GPR158: variants seen among roughly 807,000 people sequenced by gnomAD.
GPR158 encodes the protein metabotropic glycine receptor.
A neutral mutation model predicts 78.2 loss-of-function variants in GPR158; 30 were observed. The observed-to-expected ratio is 0.38, with a 90% CI of 0.29 to 0.52. The LOEUF (loss-of-function observed/expected upper bound fraction) is 0.52, where lower values mean the gene tolerates loss of function less well. Among genes scored for constraint, GPR158 ranks in the 20% least tolerant of loss-of-function variants. GPR158 has a pLI of 0.83. For synonymous variants in GPR158, 581 were observed against 591.1 expected, an observed-to-expected ratio of 0.98 and a Z score of 0.25; for missense variants, 1,463 against 1,523.5, an observed-to-expected ratio of 0.96 and a Z score of 0.66.
intron 4 of GPR158, among the ~76,000 whole-genome samples, chr10:25,462,333 T>A (rs1835367419): frequency 6.6e-6 from 1 of 152,194 alleles, no homozygotes; most frequent in Admixed American, 6.5e-5. Flanking sequence ...TTTCAAAATA[T>A]TACTGCTCAT....
At chr10:25,193,988 A>G (rs1030747956) in intron 1 of GPR158, among the ~76,000 whole-genome samples, 7 of 152,200 alleles carry the variant, frequency 4.6e-5, no homozygotes, top group African/African-American at 1.7e-4. Flanking sequence ...TTTTCAAGAC[A>G]CACATAGCAG....
chr10:25,411,933 CAAAAAAAAAAAAAAAA>C (rs1164005677), intron 3 of GPR158, among the ~76,000 whole-genome samples: 50 of 47,488 alleles, frequency 1.1e-3, no homozygotes, highest in Admixed American at 1.9e-3. Flanking sequence ...GACTCTATCA[CAAAAAAAAAAAAAAAA>C]AAAAAAAAAA....
intron 5 of GPR158, among the ~76,000 whole-genome samples, chr10:25,468,013 G>A (rs570173989): frequency 1.5e-4 from 23 of 152,142 alleles, no homozygotes; most frequent in Non-Finnish European, 2.6e-4. Flanking sequence ...GCATTGCTCC[G>A]TACCACCATC....
At chr10:25,307,497 C>T (rs1336328468) in intron 2 of GPR158, among the ~76,000 whole-genome samples, 1 of 151,650 alleles carries the variant, frequency 6.6e-6, no homozygotes, top group Non-Finnish European at 1.5e-5. Flanking sequence ...GATCCTCCTG[C>T]CTCAGTCTCC....
intron 5 of GPR158, among the ~76,000 whole-genome samples, chr10:25,532,752 A>AAAC (rs1229756172): frequency 1.3e-5 from 2 of 151,798 alleles, no homozygotes; most frequent in East Asian, 3.9e-4. Context: ...AAAAAAAAAA[A>AAAC]ATACCAAAGC....
chr10:25,389,917 TTGGAGGGACC>T (rs1439463308), intron 2 of GPR158, among the ~76,000 whole-genome samples: 1 of 152,190 alleles, frequency 6.6e-6, no homozygotes, highest in Non-Finnish European at 1.5e-5. Flanking sequence ...CCATGTGTTG[TTGGAGGGACC>T]TGGTGGGAGG....
intron 2 of GPR158, among the ~76,000 whole-genome samples, chr10:25,354,376 T>G (rs1344553289): frequency 2.0e-5 from 3 of 150,890 alleles, no homozygotes; most frequent in African/African-American, 7.3e-5. Context: ...AAAAAGTTAT[T>G]AAGGAGAGGA....
chr10:25,514,212 A>G (rs528010978), intron 5 of GPR158, among the ~76,000 whole-genome samples: 1 of 152,190 alleles, frequency 6.6e-6, no homozygotes, highest in East Asian at 1.9e-4. Flanking sequence ...CATATTTAAG[A>G]TTGTGATATT....
At chr10:25,382,414 T>C (rs1429742390) in intron 2 of GPR158, among the ~76,000 whole-genome samples, 1 of 108,880 alleles carries the variant, frequency 9.2e-6, no homozygotes, top group African/African-American at 2.9e-5. Flanking sequence ...CAAAAATTAA[T>C]AATAGAAAAG....
intron 6 of GPR158, among the ~76,000 whole-genome samples, chr10:25,558,990 T>C (rs529745340): frequency 6.6e-6 from 1 of 152,340 alleles, no homozygotes; most frequent in South Asian, 2.1e-4. Flanking sequence ...TTGGTAATGC[T>C]GTTCAAATCT....
At chr10:25,597,412 G>A (rs770818608) in intron 10 of GPR158, among the ~76,000 whole-genome samples, 11 of 152,182 alleles carry the variant, frequency 7.2e-5, no homozygotes, top group Admixed American at 1.3e-4. Context: ...CTTGCTCCTT[G>A]ATGCAAGGTT....
At chr10:25,588,038 G>C (rs2130746876) in intron 7 of GPR158, among the ~76,000 whole-genome samples, 1 of 152,228 alleles carries the variant, frequency 6.6e-6, no homozygotes, top group East Asian at 1.9e-4. Flanking sequence ...GGGTTGTATA[G>C]ATTATCACTC....
intron 2 of GPR158, among the ~76,000 whole-genome samples, chr10:25,285,291 A>ATATGTATGTATGTATG (rs568296952): frequency 6.3e-4 from 95 of 151,930 alleles, no homozygotes; most frequent in African/African-American, 2.0e-3. Flanking sequence ...GTATGCATTG[A>ATATGTATGTATGTATG]TATGTATGTA....
chr10:25,568,834 T>G (rs762220182), intron 6 of GPR158, among the ~76,000 whole-genome samples: 1 of 152,186 alleles, frequency 6.6e-6, no homozygotes, highest in Non-Finnish European at 1.5e-5. Context: ...GGGCTTTCCT[T>G]CAGAAATAGT....
chr10:25,382,748 A>G (rs1397376868), intron 2 of GPR158, among the ~76,000 whole-genome samples: 1 of 152,170 alleles, frequency 6.6e-6, no homozygotes, highest in Non-Finnish European at 1.5e-5. Flanking sequence ...GAATGTTAAT[A>G]TAATTGACCT....
At chr10:25,523,671 T>C (rs943222670) in intron 5 of GPR158, among the ~76,000 whole-genome samples, 2 of 152,106 alleles carry the variant, frequency 1.3e-5, no homozygotes, top group African/African-American at 4.8e-5. Context: ...TTGTAATGAA[T>C]AGAACACCTA....
At chr10:25,495,989 A>G (rs76339957) in intron 5 of GPR158, among the ~76,000 whole-genome samples, 5,284 of 152,090 alleles carry the variant, frequency 0.035, 318 homozygotes, top group African/African-American at 0.12. Flanking sequence ...AACCCCCTAA[A>G]TGCAGACAGC....
Position 25,281,330 on chromosome 10 carries a change from A to G in GPR158, c.1008+60173A>G, listed in dbSNP as rs376083473. Among the ~76,000 whole-genome samples the G allele has an allele frequency of 3.5e-4, 52 of 150,152 alleles. No homozygotes were observed. The East Asian group carries it at 8.4e-3, about 24-fold the overall frequency. On this transcript the variant is annotated intron_variant, in intron 2 of 10. Transcript: ENST00000376351. Reference sequence around the variant, plus strand: ...TGTAATCGCAGCACCTTGGGAGGCCAAGGCAGGTGGATCACTTGAGCCCGG... The same window carrying G: ...TGTAATCGCAGCACCTTGGGAGGCCGAGGCAGGTGGATCACTTGAGCCCGG...
At chr10:25,357,228 G>A (rs1855566650) in intron 2 of GPR158, among the ~76,000 whole-genome samples, 1 of 152,052 alleles carries the variant, frequency 6.6e-6, no homozygotes, top group African/African-American at 2.4e-5. Context: ...CTTTTATAAG[G>A]GGAGAAGATC....
Sources: allele counts gnomAD v4.1 joint callset (sites outside exome capture counted in the v4.1 genomes callset), GRCh38; gene constraint gnomAD v4.1.1; transcripts MANE v1.5; gene names NCBI Gene and HGNC (gene_info 2026-07-23, HGNC 2026-07-21).